CCNY: variants seen among roughly 807,000 people sequenced by gnomAD.
CCNY encodes cyclin Y, also known as cyclin-Y.
In CCNY, 19 loss-of-function variants were observed where a neutral mutation model predicts 42.8. That is an observed-to-expected ratio of 0.44 (90% CI 0.31 to 0.65). The LOEUF is 0.65. Among genes scored for constraint, CCNY ranks in the 30% least tolerant of loss-of-function variants. CCNY has a pLI of 0.07. For synonymous variants in CCNY, 165 were observed against 162.7 expected (o/e 1.01, Z -0.11); for missense variants, 370 against 437.3 (o/e 0.85, Z 1.37).
chr10:35,303,331 C>A (rs1219978922), intron 3 of CCNY, among the ~76,000 whole-genome samples: 2 of 151,650 alleles, frequency 1.3e-5, no homozygotes, highest in Admixed American at 6.6e-5. Flanking sequence ...CAGGCATGCA[C>A]CATGACGCCT....
At chr10:35,300,024 T>A (rs1835514570) in intron 3 of CCNY, among the ~76,000 whole-genome samples, 1 of 152,216 alleles carries the variant, frequency 6.6e-6, no homozygotes, top group African/African-American at 2.4e-5. Flanking sequence ...CAGAACAGTA[T>A]CCTTTCGAGG....
chr10:35,282,012 CT>C (rs1366732259), intron 3 of CCNY, among the ~76,000 whole-genome samples: 2 of 151,870 alleles, frequency 1.3e-5, no homozygotes, highest in African/African-American at 4.8e-5. Context: ...TCATTTTCTC[CT>C]TCATAAATTT....
At chr10:35,302,966 C>T (rs1835555877) in intron 3 of CCNY, among the ~76,000 whole-genome samples, 1 of 151,962 alleles carries the variant, frequency 6.6e-6, no homozygotes, top group African/African-American at 2.4e-5. Flanking sequence ...GAAGCCGAGG[C>T]AGGAAGATTG....
chr10:35,398,351 C>T (rs1028696646), intron 1 of CCNY, among the ~76,000 whole-genome samples: 1 of 152,236 alleles, frequency 6.6e-6, no homozygotes, highest in African/African-American at 2.4e-5. Context: ...GATATAGATA[C>T]AGGTTGTGTT....
intron 3 of CCNY, among the ~76,000 whole-genome samples, chr10:35,288,099 C>T (rs568179830): frequency 1.2e-4 from 19 of 152,318 alleles, no homozygotes; most frequent in African/African-American, 4.6e-4. Flanking sequence ...GTTCCACTTG[C>T]TCCACCTTGT....
At chr10:35,350,174 G>C (rs1836396809) in intron 1 of CCNY, among the ~76,000 whole-genome samples, 1 of 152,166 alleles carries the variant, frequency 6.6e-6, no homozygotes, top group Non-Finnish European at 1.5e-5. Flanking sequence ...GACAATGGGT[G>C]GTGGGGTAGC....
chr10:35,558,079 A>G lies in CCNY; in HGVS notation c.746+4894A>G, dbSNP rs376675376. The stretch of plus-strand genomic sequence containing the variant: ...TCTATTAGTAAAGGCTATTTAAATG[A>G]GCCTACCAACCCCTGCTTCAGTTTG... On this transcript the variant is annotated intron_variant, in intron 8 of 9. Transcript: ENST00000374704. 5.9e-5 allele frequency among the ~76,000 whole-genome samples: 9 copies of G among 152,346 alleles called. No homozygotes were observed. In the East Asian group the frequency reaches 1.4e-3, roughly 23 times the overall value.
At chr10:35,556,024 A>T (rs112995430) in intron 8 of CCNY, among the ~76,000 whole-genome samples, 1 of 152,198 alleles carries the variant, frequency 6.6e-6, no homozygotes, top group Non-Finnish European at 1.5e-5. Context: ...TTAAAACTCT[A>T]TTCCATATTT....
chr10:35,428,433 T>C (rs75954134), intron 1 of CCNY, among the ~76,000 whole-genome samples: 1,660 of 152,306 alleles, frequency 0.011, 27 homozygotes, highest in East Asian at 0.055. Context: ...AAAGCCAGTC[T>C]GGCTGGAATG....
rs184558214 is a variant in CCNY, at chr10:35,265,550, G to A, written c.-9+14924G>A. 5.9e-5 allele frequency among the ~76,000 whole-genome samples: 9 copies of A among 152,332 alleles called. No homozygotes were observed. The East Asian group carries it at 1.3e-3, about 23-fold the overall frequency. ...CTCTTGCCTGCAGTGAGCCCTGTGCGCTAGGTCTTGACCGTGCAGCCAGCG... is the reference window on the plus strand; with the variant it reads ...CTCTTGCCTGCAGTGAGCCCTGTGCACTAGGTCTTGACCGTGCAGCCAGCG... On this transcript the variant is annotated intron_variant, in intron 3 of 11. Coordinates refer to the CCNY transcript ENST00000374706.
At chr10:35,347,044 C>G (rs1364619258) in intron 1 of CCNY, among the ~76,000 whole-genome samples, 1 of 152,184 alleles carries the variant, frequency 6.6e-6, no homozygotes, top group Non-Finnish European at 1.5e-5. Flanking sequence ...TGTTTTGGGC[C>G]ATGGTAACAA....
chr10:35,257,683 C>T (rs4007271), intron 3 of CCNY, among the ~76,000 whole-genome samples: 55,501 of 151,890 alleles, frequency 0.37, 10,638 homozygotes, highest in African/African-American at 0.49. Context: ...CTCTTTGTCT[C>T]TCAAAAGTCT....
rs111467680 is a variant in CCNY at position 35,458,541 on chromosome 10, G to C, written c.155-24863G>C. 3.4e-3 allele frequency among the ~76,000 whole-genome samples: 512 copies of C among 152,346 alleles called. 4 individuals are homozygous for C. Among genetic ancestry groups the C allele is most frequent in the African/African-American group, 0.012 (482 of 41,584 alleles). Reference sequence around the variant, plus strand: ...CATTCTGGGTTAGCTTCTGACCAGCGTTTTCTCTTAGGCACTGAGGATTTT... The same window carrying C: ...CATTCTGGGTTAGCTTCTGACCAGCCTTTTCTCTTAGGCACTGAGGATTTT... On this transcript the variant is annotated intron_variant, in intron 1 of 9. Transcript: ENST00000374704.
rs961333790 is a variant in CCNY at position 35,409,105 on chromosome 10, C to G, written c.154+71898C>G. On this transcript the variant is annotated intron_variant, in intron 1 of 9. Coordinates refer to ENST00000374704, the MANE Select transcript of CCNY (RefSeq NM_145012.6). Reference sequence around the variant, plus strand: ...ACATTAAGGAGGCCTTTTTTTTCCTCCAATGGCTGTTAGATTGTGTATTGC... The same window carrying G: ...ACATTAAGGAGGCCTTTTTTTTCCTGCAATGGCTGTTAGATTGTGTATTGC... 1.5e-4 allele frequency among the ~76,000 whole-genome samples: 23 copies of G among 151,846 alleles called. 1 individual carries two copies. Among genetic ancestry groups the G allele is most frequent in the Admixed American group, 6.5e-5 (1 of 15,270 alleles).
At chr10:35,517,146 C>T (rs1017952168) in intron 4 of CCNY, among the ~76,000 whole-genome samples, 8 of 152,046 alleles carry the variant, frequency 5.3e-5, no homozygotes, top group Non-Finnish European at 7.4e-5. Context: ...ACAAAGAGAA[C>T]GTGGGTGGGA....
chr10:35,254,484 C>T (rs1427722398), intron 3 of CCNY, among the ~76,000 whole-genome samples: 2 of 152,100 alleles, frequency 1.3e-5, no homozygotes, highest in South Asian at 4.1e-4. Context: ...TAATGCTGAC[C>T]TATTACATGT....
At chr10:35,449,356 A>C (rs1838865266) in intron 1 of CCNY, among the ~76,000 whole-genome samples, 1 of 152,012 alleles carries the variant, frequency 6.6e-6, no homozygotes, top group African/African-American at 2.4e-5. Flanking sequence ...GAAAGTGGGC[A>C]TCTCTAGTAA....
intron 3 of CCNY, chr10:35,327,720 C>G (rs1434431955): frequency 1.3e-5 from 2 of 152,320 alleles, no homozygotes; most frequent in African/African-American, 4.8e-5. Flanking sequence ...GCTATGAACT[C>G]TACACTTTGG....
intron 1 of CCNY, among the ~76,000 whole-genome samples, chr10:35,430,840 G>A (rs1347402210): frequency 6.6e-6 from 1 of 152,146 alleles, no homozygotes; most frequent in East Asian, 1.9e-4. Flanking sequence ...GCTTGGCGTG[G>A]TGGCTCATGC....
Sources: allele counts gnomAD v4.1 joint callset (sites outside exome capture counted in the v4.1 genomes callset), GRCh38; gene constraint gnomAD v4.1.1; transcripts MANE v1.5; gene names NCBI Gene and HGNC (gene_info 2026-07-23, HGNC 2026-07-21).